MACROD2: variants seen among roughly 807,000 people sequenced by gnomAD.
MACROD2 encodes the protein ADP-ribose glycohydrolase MACROD2.
A neutral mutation model predicts 70.4 loss-of-function variants in MACROD2; 36 were observed. That is an observed-to-expected ratio of 0.51 (90% CI 0.39 to 0.68). The LOEUF (loss-of-function observed/expected upper bound fraction) is 0.68. Ranked by LOEUF, MACROD2 falls within the 30% of genes least tolerant of loss-of-function variation. The probability of loss-of-function intolerance (pLI) is 0.00; values close to 1 mark genes in which losing one functional copy is unlikely to be tolerated. For missense variants in MACROD2, 496 were observed against 538.4 expected, an observed-to-expected ratio of 0.92 and a Z score of 0.78; for synonymous variants, 172 against 178.8, an observed-to-expected ratio of 0.96 and a Z score of 0.30.
At chr20:15,673,912 T>A (rs946251319) in intron 8 of MACROD2, among the ~76,000 whole-genome samples, 2 of 152,180 alleles carry the variant, frequency 1.3e-5, no homozygotes, top group Non-Finnish European at 2.9e-5. Context: ...ATGAGAAATG[T>A]GGCTAGTGAG....
intron 4 of MACROD2, among the ~76,000 whole-genome samples, chr20:14,543,007 ACAAC>A (rs551234984): frequency 1.8e-4 from 28 of 152,306 alleles, no homozygotes; most frequent in African/African-American, 6.7e-4. Context: ...TTATTTTAAA[ACAAC>A]CAATTATGAT....
intron 6 of MACROD2, among the ~76,000 whole-genome samples, chr20:15,425,741 G>T (rs547950580): frequency 6.6e-6 from 1 of 152,290 alleles, no homozygotes; most frequent in East Asian, 1.9e-4. Context: ...GGAGCTGAAG[G>T]TGGAGTCATT....
intron 15 of MACROD2, among the ~76,000 whole-genome samples, chr20:16,040,652 G>A (rs935603543): frequency 1.3e-5 from 2 of 151,880 alleles, no homozygotes; most frequent in African/African-American, 2.4e-5. Flanking sequence ...ATCTACTGAC[G>A]ACTAAATTCT....
At chr20:15,175,432 A>C in intron 5 of MACROD2, among the ~76,000 whole-genome samples, 1 of 152,102 alleles carries the variant, frequency 6.6e-6, no homozygotes. Context: ...GTATAATAAT[A>C]ATAAAAATAA....
chr20:15,188,178 C>T (rs551641871), intron 5 of MACROD2, among the ~76,000 whole-genome samples: 3 of 152,246 alleles, frequency 2.0e-5, no homozygotes, highest in Admixed American at 6.5e-5. Context: ...CCTTTGTTGT[C>T]GAGGCTGTCT....
chr20:15,836,367 C>A (rs780786049), intron 8 of MACROD2, among the ~76,000 whole-genome samples: 1 of 152,152 alleles, frequency 6.6e-6, no homozygotes, highest in Non-Finnish European at 1.5e-5. Flanking sequence ...TCTGCAGAAG[C>A]AATCTCATTA....
chr20:15,495,905 A>C (rs1010705304), intron 7 of MACROD2, among the ~76,000 whole-genome samples: 1 of 152,236 alleles, frequency 6.6e-6, no homozygotes, highest in East Asian at 1.9e-4. Context: ...ATGGATATAC[A>C]CTAGGAAAAA....
At chr20:15,207,093 A>G (rs2076715510) in intron 5 of MACROD2, among the ~76,000 whole-genome samples, 1 of 152,040 alleles carries the variant, frequency 6.6e-6, no homozygotes, top group Non-Finnish European at 1.5e-5. Context: ...GGTCAGTAGT[A>G]TTTCATTGTA....
intron 8 of MACROD2, among the ~76,000 whole-genome samples, chr20:15,649,823 T>C (rs764254989): frequency 2.6e-5 from 4 of 152,200 alleles, no homozygotes; most frequent in Non-Finnish European, 5.9e-5. Flanking sequence ...GACTGTGTGT[T>C]TCTTTATCAA....
intron 8 of MACROD2, among the ~76,000 whole-genome samples, chr20:15,717,363 A>C (rs771146193): frequency 6.6e-6 from 1 of 152,252 alleles, no homozygotes; most frequent in Non-Finnish European, 1.5e-5. Context: ...ATAAACTGCT[A>C]TCTGTGACAG....
At chr20:15,293,857 C>A (rs1475397293) in intron 6 of MACROD2, among the ~76,000 whole-genome samples, 1 of 152,156 alleles carries the variant, frequency 6.6e-6, no homozygotes, top group Non-Finnish European at 1.5e-5. Flanking sequence ...GTGGCTCATG[C>A]CTGTAATCCC....
intron 6 of MACROD2, among the ~76,000 whole-genome samples, chr20:15,419,851 T>A (rs2046204417): frequency 6.6e-6 from 1 of 152,204 alleles, no homozygotes; most frequent in Non-Finnish European, 1.5e-5. Context: ...GTGATTAAGG[T>A]CATTGAAGGG....
chr20:15,534,831 A>G (rs1233733), intron 8 of MACROD2, among the ~76,000 whole-genome samples: 8,203 of 152,256 alleles, frequency 0.054, 731 homozygotes, highest in African/African-American at 0.19. Flanking sequence ...GGCTTTAAGC[A>G]TCTTGCCAAC....
At chr20:14,319,008 T>C (rs2122541506) in intron 3 of MACROD2, among the ~76,000 whole-genome samples, 2 of 152,254 alleles carry the variant, frequency 1.3e-5, no homozygotes, top group Admixed American at 1.3e-4. Context: ...AGGGGAGAGG[T>C]GTGGGATGTA....
chr20:15,651,976 C>T (rs2049651923), intron 8 of MACROD2, among the ~76,000 whole-genome samples: 1 of 152,020 alleles, frequency 6.6e-6, no homozygotes, highest in African/African-American at 2.4e-5. Context: ...GATGGCAGCC[C>T]CATGAAGCTA....
rs147365723 is a variant in MACROD2 at position 15,833,322 on chromosome 20, C to T, written c.646-29423C>T. 5.8e-3 allele frequency among the ~76,000 whole-genome samples: 888 copies of T among 152,182 alleles called. 6 individuals carry two copies. The highest frequency in any genetic ancestry group is 0.02 in the African/African-American group (850 of 41,502). On this transcript the variant is annotated intron_variant, in intron 8 of 17. Transcript: ENST00000684519. Reference sequence around the variant, plus strand: ...TGGCAGCCAGATGCACCCCACACTTCGACTTCTTTCTTCAATTCAGTTCTA... The same window carrying T: ...TGGCAGCCAGATGCACCCCACACTTTGACTTCTTTCTTCAATTCAGTTCTA...
chr20:15,840,074 T>G (rs2064154621), intron 8 of MACROD2, among the ~76,000 whole-genome samples: 2 of 152,194 alleles, frequency 1.3e-5, no homozygotes, highest in African/African-American at 4.8e-5. Flanking sequence ...TTTATCATTC[T>G]TCTATATTCA....
chr20:15,255,839 A>G (rs535024083), intron 6 of MACROD2, among the ~76,000 whole-genome samples: 74 of 152,222 alleles, frequency 4.9e-4, no homozygotes, highest in African/African-American at 1.7e-3. Context: ...ACTTGACTCT[A>G]TGTCTTGGTG....
intron 8 of MACROD2, among the ~76,000 whole-genome samples, chr20:15,659,192 G>A (rs143148510): frequency 6.6e-6 from 1 of 151,580 alleles, no homozygotes; most frequent in East Asian, 1.9e-4. Context: ...TTCAGGTCTT[G>A]GTTTGTAGGT....
Sources: gnomAD v4.1 joint callset for allele counts (sites outside exome capture counted in the v4.1 genomes callset) on GRCh38, gnomAD v4.1.1 for gene constraint, MANE v1.5 for transcripts, NCBI Gene and HGNC (gene_info 2026-07-23, HGNC 2026-07-21) for gene names.